The following KIAA1217 variants were observed in gnomAD, a reference collection of about 807,000 sequenced individuals.
KIAA1217 encodes the protein sickle tail protein homolog.
Under a neutral mutation model 163.9 loss-of-function variants are expected in KIAA1217, and 88 were observed. The ratio of observed to expected loss-of-function variants is 0.54; its 90% confidence interval spans 0.45 to 0.64. The LOEUF (loss-of-function observed/expected upper bound fraction) is 0.64, where lower values mean the gene tolerates loss of function less well. Ranked by LOEUF, KIAA1217 falls within the 30% of genes least tolerant of loss-of-function variation. The pLI is 0.00. For synonymous variants in KIAA1217, 903 were observed against 923.1 expected (o/e 0.98, Z 0.39); for missense variants, 2,372 against 2,475.0 (o/e 0.96, Z 0.88).
At chr10:24,408,799 C>T (rs1023816724) in intron 3 of KIAA1217, among the ~76,000 whole-genome samples, 2 of 152,192 alleles carry the variant, frequency 1.3e-5, no homozygotes, top group African/African-American at 2.4e-5. Context: ...AATATCCTTT[C>T]CTTCCCTGTT....
At chr10:24,060,344 A>AAAAAT (rs1554851889) in intron 2 of KIAA1217, among the ~76,000 whole-genome samples, 33 of 152,158 alleles carry the variant, frequency 2.2e-4, no homozygotes, top group South Asian at 6.2e-4. Context: ...TGGTTGCAAG[A>AAAAAT]TATTTTCTGA....
intron 2 of KIAA1217, among the ~76,000 whole-genome samples, chr10:24,133,564 T>TCTC (rs2063732592): frequency 6.8e-6 from 1 of 147,958 alleles, no homozygotes; most frequent in Non-Finnish European, 1.5e-5. Flanking sequence ...AGAGCGAGAC[T>TCTC]GTGTCTCAAA....
intron 1 of KIAA1217, among the ~76,000 whole-genome samples, chr10:23,851,072 T>A (rs539536629): frequency 6.6e-6 from 1 of 152,244 alleles, no homozygotes; most frequent in East Asian, 1.9e-4. Context: ...TGCAGGTTAG[T>A]TACATATGTA....
rs80241163 is a variant in KIAA1217, at chr10:24,383,436, G to T, written c.553+2369G>T. The stretch of plus-strand genomic sequence containing the variant: ...CTGGGTTCAGGAACCAAGCCTTGGG[G>T]CAGAGAGGCTGCAGGAGCTGGGGCC... On this transcript the variant is annotated intron_variant, in intron 3 of 20. Transcript: ENST00000376454. Among the ~76,000 whole-genome samples the T allele has an allele frequency of 0.01, 1,575 of 152,320 alleles. 92 individuals are homozygous for T. In the East Asian group the frequency reaches 0.17, roughly 16 times the overall value.
intron 2 of KIAA1217, among the ~76,000 whole-genome samples, chr10:24,287,191 C>T (rs1202097912): frequency 2.0e-5 from 3 of 152,146 alleles, no homozygotes; most frequent in African/African-American, 7.2e-5. Context: ...ACTGGGATTA[C>T]AGGCATGCGC....
intron 15 of KIAA1217, 111 bp downstream of exon 15, chr10:24,532,104 GACC>G (rs2073212621): frequency 1.0e-6 from 1 of 956,008 alleles, no homozygotes; most frequent in African/African-American, 1.7e-5. Flanking sequence ...GTAGTAACTC[GACC>G]ACACAAGATC....
Position 24,543,430 on chromosome 10 carries a change from T to C in KIAA1217, c.4160T>C (p.Ile1387Thr). Residue 1387 changes from isoleucine to threonine, a missense_variant, in exon 19 of 21, where the codon ATT (isoleucine) becomes ACT (threonine). Ile to Thr is a moderately conservative substitution (Grantham distance 89). Around this residue, in one of 3 missense-constraint regions of KIAA1217, gnomAD observed 251 missense variants for 327.3 expected, o/e 0.77. Coordinates refer to ENST00000376454, the MANE Select transcript of KIAA1217 (RefSeq NM_019590.5). The stretch of plus-strand genomic sequence containing the variant: ...GCCACTGACAATATTGCCTTCATGA[T>C]TACCGAAACCACTGTCCAGGTTCTT... ...NAATDNIAFM[I>T]TETTVQVLSS... 6.2e-7 allele frequency: 1 copy of C among 1,614,144 alleles called. No individual in the cohort carries two copies. Among genetic ancestry groups the C allele is most frequent in the Non-Finnish European group, 8.5e-7 (1 of 1,180,022 alleles).
intron 1 of KIAA1217, among the ~76,000 whole-genome samples, chr10:23,846,846 A>G (rs1284884890): frequency 6.6e-6 from 1 of 152,062 alleles, no homozygotes; most frequent in African/African-American, 2.4e-5. Context: ...GTTTTTGCCC[A>G]TTCAGTATGA....
chr10:24,001,387 C>T (rs1846737866), intron 1 of KIAA1217, among the ~76,000 whole-genome samples: 1 of 152,108 alleles, frequency 6.6e-6, no homozygotes, highest in Non-Finnish European at 1.5e-5. Context: ...AGGCACAGGT[C>T]CTCCTCCAAA....
At chr10:24,537,105 A>T (rs1354450344) in intron 17 of KIAA1217, among the ~76,000 whole-genome samples, 1 of 152,120 alleles carries the variant, frequency 6.6e-6, no homozygotes, top group Non-Finnish European at 1.5e-5. Context: ...AGCATACAAT[A>T]GTATATGCAG....
chr10:24,247,660 G>T (rs1056158256), intron 2 of KIAA1217, among the ~76,000 whole-genome samples: 1 of 152,284 alleles, frequency 6.6e-6, no homozygotes, highest in Non-Finnish European at 1.5e-5. Context: ...AATTAGCAGG[G>T]TGTTGTGGCG....
intron 1 of KIAA1217, among the ~76,000 whole-genome samples, chr10:23,770,483 G>A (rs1221407052): frequency 6.6e-6 from 1 of 152,140 alleles, no homozygotes; most frequent in Non-Finnish European, 1.5e-5. Context: ...TTCATTTGTG[G>A]TGGTGGAAGG....
At chr10:24,147,613 C>G (rs1192936475) in intron 2 of KIAA1217, among the ~76,000 whole-genome samples, 1 of 151,822 alleles carries the variant, frequency 6.6e-6, no homozygotes, top group Non-Finnish European at 1.5e-5. Context: ...GAGGCCAAGG[C>G]GGGCGGATCA....
chr10:24,464,899 T>C (rs1482222218), intron 5 of KIAA1217, among the ~76,000 whole-genome samples: 1 of 152,100 alleles, frequency 6.6e-6, no homozygotes, highest in African/African-American at 2.4e-5. Context: ...CCCAGACCCT[T>C]CACATACAGT....
intron 1 of KIAA1217, among the ~76,000 whole-genome samples, chr10:23,962,749 G>C (rs1043932303): frequency 1.3e-5 from 2 of 152,182 alleles, no homozygotes; most frequent in African/African-American, 4.8e-5. Flanking sequence ...TTCTAGTCCA[G>C]ATTCTACTAC....
chr10:24,349,931 C>G (rs983667445), intron 2 of KIAA1217, among the ~76,000 whole-genome samples: 2 of 152,082 alleles, frequency 1.3e-5, no homozygotes, highest in Non-Finnish European at 2.9e-5. Flanking sequence ...AAGAGCAGGC[C>G]TTTGGGGGAA....
intron 2 of KIAA1217, among the ~76,000 whole-genome samples, chr10:24,178,889 T>C (rs2066036024): frequency 6.6e-6 from 1 of 152,216 alleles, no homozygotes; most frequent in African/African-American, 2.4e-5. Context: ...GTAGTTTCTT[T>C]TAAGTATCCC....
chr10:24,211,245 G>A (rs527993303), intron 1 of KIAA1217, among the ~76,000 whole-genome samples: 3 of 152,216 alleles, frequency 2.0e-5, no homozygotes, highest in Admixed American at 6.5e-5. Context: ...AGAAGGATGG[G>A]AGGAAAAGAG....
At chr10:23,782,330 A>G (rs1654334128) in intron 1 of KIAA1217, among the ~76,000 whole-genome samples, 1 of 152,176 alleles carries the variant, frequency 6.6e-6, no homozygotes, top group South Asian at 2.1e-4. Flanking sequence ...GCTATTACAA[A>G]TGGGATAGTT....
Sources: allele counts gnomAD v4.1 joint callset (sites outside exome capture counted in the v4.1 genomes callset), GRCh38; gene constraint gnomAD v4.1.1; regional missense constraint gnomAD v4.1.1; transcripts MANE v1.5; gene names NCBI Gene and HGNC (gene_info 2026-07-23, HGNC 2026-07-21).